The following STK33 variants were observed in gnomAD, a reference collection of about 807,000 sequenced individuals.
STK33 encodes serine/threonine-protein kinase 33.
A neutral mutation model predicts 58.0 loss-of-function variants in STK33; 52 were observed. The observed-to-expected ratio is 0.90, with a 90% confidence interval of 0.72 to 1.13. The LOEUF (loss-of-function observed/expected upper bound fraction) is 1.13, where lower values mean the gene tolerates loss of function less well. STK33 is among the 50% of genes most tolerant of loss of function. STK33 has a pLI of 0.00. For missense variants in STK33, 630 were observed against 604.2 expected (o/e 1.04, Z -0.45); for synonymous variants, 215 against 200.1 (o/e 1.07, Z -0.63).
the STK33 span, among the ~76,000 whole-genome samples, chr11:8,337,652 G>C: frequency 6.9e-6 from 1 of 144,598 alleles, no homozygotes; most frequent in Non-Finnish European, 1.5e-5. Flanking sequence ...GGGCGGGGGG[G>C]GGGCCCTGCC....
chr11:8,491,911 A>G (rs959611716), intron 1 of STK33, among the ~76,000 whole-genome samples: 1 of 152,180 alleles, frequency 6.6e-6, no homozygotes, highest in African/African-American at 2.4e-5. Context: ...TTTTGTCACC[A>G]CCAGGCCTGC....
At chr11:8,512,167 C>T (rs1308163567) in intron 1 of STK33, among the ~76,000 whole-genome samples, 1 of 152,088 alleles carries the variant, frequency 6.6e-6, no homozygotes, top group African/African-American at 2.4e-5. Flanking sequence ...ATTAATTCTC[C>T]TTTATTTCTA....
chr11:8,394,109 T>A (rs1848952454), intron 15 of STK33, among the ~76,000 whole-genome samples: 1 of 152,216 alleles, frequency 6.6e-6, no homozygotes, highest in Admixed American at 6.5e-5. Flanking sequence ...TAAGCAAACT[T>A]CTGGGTTATT....
At chr11:8,339,865 C>T in the STK33 span, among the ~76,000 whole-genome samples, 1 of 152,216 alleles carries the variant, frequency 6.6e-6, no homozygotes, top group Non-Finnish European at 1.5e-5. Context: ...CACGCCTCAC[C>T]ACGCCCCTCC....
intron 15 of STK33, among the ~76,000 whole-genome samples, chr11:8,406,668 C>T (rs563077233): frequency 9.9e-5 from 15 of 152,184 alleles, no homozygotes; most frequent in South Asian, 2.1e-4. Context: ...TTGTTCACTG[C>T]GAATATATAA....
Position 8,509,737 on chromosome 11 carries a change from C to T in STK33, c.-465-29123G>A, listed in dbSNP as rs142071953. On this transcript the variant is annotated intron_variant, in intron 1 of 15. Transcript: ENST00000687296. The stretch of plus-strand genomic sequence containing the variant: ...TTGCATCCTCATAGTTTAGCTCCCA[C>T]TTATAAGTGAGAACATATGATAGTT... Among the ~76,000 whole-genome samples, 617 of 152,272 alleles carry T rather than the reference C, an allele frequency of 4.1e-3. 5 individuals are homozygous for T. The highest frequency in any genetic ancestry group is 0.014 in the African/African-American group (590 of 41,572).
intron 1 of STK33, among the ~76,000 whole-genome samples, chr11:8,589,815 T>C (rs2032308210): frequency 1.3e-5 from 2 of 152,174 alleles, no homozygotes; most frequent in Admixed American, 6.5e-5. Context: ...ATGAAAAATA[T>C]TGAATTTTAT....
chr11:8,566,929 G>A (rs1391561839), intron 1 of STK33, among the ~76,000 whole-genome samples: 1 of 152,064 alleles, frequency 6.6e-6, no homozygotes, highest in Non-Finnish European at 1.5e-5. Flanking sequence ...AGCACTGTGG[G>A]AGGGTTTGAG....
In STK33 at chr11:8,436,026, C is replaced by A. The variant is rs778988310; in HGVS notation, c.1060+1G>T. 2 of 1,555,036 alleles carry A rather than the reference C, an allele frequency of 1.3e-6. No individual in the cohort carries two copies. Among genetic ancestry groups the A allele is most frequent in the Admixed American group, 3.8e-5 (2 of 53,332 alleles). ...GTAAATAATAACGCATCTATACTTA[C>A]CACAGTCACTTATGGAATTCCAGAC... is the stretch of plus-strand genomic sequence containing the variant. On this transcript the variant is annotated splice_donor_variant, in intron 13 of 15. Transcript: ENST00000687296. LOFTEE classifies it high-confidence loss of function.
At chr11:8,495,652 T>A (rs1246747340) in intron 1 of STK33, among the ~76,000 whole-genome samples, 1 of 152,174 alleles carries the variant, frequency 6.6e-6, no homozygotes, top group Admixed American at 6.5e-5. Flanking sequence ...CGCACATGTA[T>A]ATTTATTGTG....
chr11:8,384,084 G>A, the STK33 span, among the ~76,000 whole-genome samples: 6 of 152,304 alleles, frequency 3.9e-5, no homozygotes, highest in African/African-American at 1.4e-4. Context: ...GAGAGTGAAG[G>A]CACAAGCTGT....
chr11:8,348,835 G>A, the STK33 span, among the ~76,000 whole-genome samples: 6 of 152,060 alleles, frequency 3.9e-5, no homozygotes, highest in Non-Finnish European at 8.8e-5. Flanking sequence ...CTGAAACAGT[G>A]GTGCCTCTGG....
At chr11:8,572,294 A>T (rs75355449) in intron 1 of STK33, among the ~76,000 whole-genome samples, 4,690 of 152,236 alleles carry the variant, frequency 0.031, 95 homozygotes, top group Non-Finnish European at 0.048. Flanking sequence ...CCTAGACTAA[A>T]GACTGCTCCA....
At chr11:8,442,916 CTG>C (rs1944951701) in intron 11 of STK33, among the ~76,000 whole-genome samples, 1 of 152,040 alleles carries the variant, frequency 6.6e-6, no homozygotes, top group Non-Finnish European at 1.5e-5. Flanking sequence ...ATATGCAAAA[CTG>C]AGCTGTGGTG....
chr11:8,444,770 A>T (rs1212195464), intron 11 of STK33, among the ~76,000 whole-genome samples: 3 of 152,200 alleles, frequency 2.0e-5, no homozygotes, highest in Non-Finnish European at 4.4e-5. Flanking sequence ...TTTAGTATAA[A>T]TTGAAAAAAT....
intron 1 of STK33, among the ~76,000 whole-genome samples, chr11:8,542,611 C>T (rs540405020): frequency 6.6e-6 from 1 of 152,102 alleles, no homozygotes; most frequent in South Asian, 2.1e-4. Flanking sequence ...ATAGGGCCAA[C>T]GCTGAGAAAT....
At chr11:8,501,168 G>A (rs1426807137) in intron 1 of STK33, among the ~76,000 whole-genome samples, 3 of 152,082 alleles carry the variant, frequency 2.0e-5, no homozygotes, top group Admixed American at 6.6e-5. Context: ...CCTAAAGCAT[G>A]AGCAACCAAA....
chr11:8,338,250 A>G, the STK33 span, among the ~76,000 whole-genome samples: 1 of 152,192 alleles, frequency 6.6e-6, no homozygotes, highest in East Asian at 1.9e-4. Flanking sequence ...AGAGGGCGCC[A>G]CACAGGATGC....
intron 1 of STK33, among the ~76,000 whole-genome samples, chr11:8,573,824 GT>G (rs534973443): frequency 1.6e-3 from 238 of 152,270 alleles, no homozygotes; most frequent in African/African-American, 5.1e-3. Context: ...ATCTCAAAAG[GT>G]TACATACTGT....
Sources: allele counts gnomAD v4.1 joint callset (sites outside exome capture counted in the v4.1 genomes callset), GRCh38; gene constraint gnomAD v4.1.1; transcripts MANE v1.5; gene names NCBI Gene and HGNC (gene_info 2026-07-23, HGNC 2026-07-21).